The following TRERF1 variants were observed in gnomAD, a reference collection of about 807,000 sequenced individuals.
The protein encoded by TRERF1 is transcriptional-regulating factor 1.
A neutral mutation model predicts 122.9 loss-of-function variants in TRERF1; 27 were observed. The observed-to-expected ratio is 0.22, with a 90% CI of 0.16 to 0.30. The LOEUF (loss-of-function observed/expected upper bound fraction) is 0.30, where lower values mean the gene tolerates loss of function less well. Ranked by LOEUF, TRERF1 falls within the 10% of genes least tolerant of loss-of-function variation. TRERF1 has a pLI of 1.00. For synonymous variants in TRERF1, 636 were observed against 641.7 expected (o/e 0.99, Z 0.13); for missense variants, 1,248 against 1,560.3 (o/e 0.80, Z 3.37).
intron 3 of TRERF1, among the ~76,000 whole-genome samples, chr6:42,314,025 G>A (rs569469419): frequency 1.3e-5 from 2 of 152,118 alleles, no homozygotes; most frequent in African/African-American, 2.4e-5. Flanking sequence ...ACAGGGAACA[G>A]CTGGAGGTGC....
At chr6:42,367,782 T>A (rs1773022836) in intron 2 of TRERF1, among the ~76,000 whole-genome samples, 1 of 152,076 alleles carries the variant, frequency 6.6e-6, no homozygotes, top group African/African-American at 2.4e-5. Context: ...GCCTGGTGAC[T>A]GAGGTGTATA....
At chr6:42,250,389 A>G (rs375026519) in intron 13 of TRERF1, among the ~76,000 whole-genome samples, 3 of 152,000 alleles carry the variant, frequency 2.0e-5, no homozygotes, top group African/African-American at 7.3e-5. Context: ...CTGCCTCCAA[A>G]ATCCCTCTGT....
Position 42,276,936 on chromosome 6 carries a change from G to A in TRERF1, c.-258-7088C>T, listed in dbSNP as rs902094740. On this transcript the variant is annotated intron_variant, in intron 4 of 17. Coordinates refer to ENST00000372922, the Ensembl canonical transcript of TRERF1. The surrounding 1 kb of genome is among the most constrained non-coding windows in gnomAD (Gnocchi z 4.3). ...CAGGAACCTGCAAAATGGAGGGTTT[G>A]GATTTTGCTTCCTGCAGGTGGCTCC... Among the ~76,000 whole-genome samples the A allele has an allele frequency of 1.3e-5, 2 of 152,160 alleles. No individual in the cohort carries two copies. Among genetic ancestry groups the A allele is most frequent in the South Asian group, 4.1e-4 (2 of 4,824 alleles).
intron 2 of TRERF1, among the ~76,000 whole-genome samples, chr6:42,447,086 C>A (rs72859314): frequency 0.048 from 7,367 of 152,164 alleles, 406 homozygotes; most frequent in African/African-American, 0.13. Context: ...GTTCTTTGTC[C>A]CCTTCCTGCT....
At chr6:42,417,937 A>G (rs1291638359) in intron 2 of TRERF1, among the ~76,000 whole-genome samples, 1 of 152,188 alleles carries the variant, frequency 6.6e-6, no homozygotes, top group Non-Finnish European at 1.5e-5. Context: ...ACACACATAC[A>G]ATTCCAGGCT....
chr6:42,265,857 GAGAAGTC>G (rs1460227943), intron 5 of TRERF1, 60 bp from the exon 6 acceptor site: 3 of 1,573,402 alleles, frequency 1.9e-6, no homozygotes, highest in Non-Finnish European at 2.6e-6. Flanking sequence ...GTTCTGAAGG[GAGAAGTC>G]CTCGAGCAGT....
At chr6:42,414,143 G>T (rs1781503342) in intron 2 of TRERF1, among the ~76,000 whole-genome samples, 1 of 152,178 alleles carries the variant, frequency 6.6e-6, no homozygotes, top group East Asian at 1.9e-4. Context: ...AAAGCAAAAG[G>T]AGAGACACAA....
At chr6:42,280,282 T>C (rs1782071550) in intron 4 of TRERF1, among the ~76,000 whole-genome samples, 1 of 152,204 alleles carries the variant, frequency 6.6e-6, no homozygotes, top group East Asian at 1.9e-4. Context: ...CAACTAGGGC[T>C]GGAGGCCTTC....
intron 8 of TRERF1, among the ~76,000 whole-genome samples, chr6:42,261,876 C>G (rs565099981): frequency 1.3e-5 from 2 of 152,290 alleles, no homozygotes; most frequent in African/African-American, 4.8e-5. Context: ...TCCCTTGCCC[C>G]TCCCCAGTCC....
At chr6:42,363,114 T>A (rs1047776578) in intron 2 of TRERF1, 35 bp from the exon 3 acceptor site, 2 of 152,622 alleles carry the variant, frequency 1.3e-5, no homozygotes, top group Non-Finnish European at 2.9e-5. Flanking sequence ...AGTCAGGACA[T>A]CTGGCTTCAG....
intron 3 of TRERF1, among the ~76,000 whole-genome samples, chr6:42,306,400 G>A (rs189352327): frequency 2.6e-5 from 4 of 152,312 alleles, no homozygotes; most frequent in African/African-American, 7.2e-5. Context: ...CCCAGACCAT[G>A]ATGGGATATA....
At chr6:42,417,670 C>T (rs1782035065) in intron 2 of TRERF1, among the ~76,000 whole-genome samples, 1 of 152,202 alleles carries the variant, frequency 6.6e-6, no homozygotes, top group Admixed American at 6.5e-5. Context: ...CTGGCCAGAG[C>T]AGGGGCCAGA....
At chr6:42,404,059 C>G (rs1423586215) in intron 2 of TRERF1, among the ~76,000 whole-genome samples, 1 of 152,112 alleles carries the variant, frequency 6.6e-6, no homozygotes, top group Admixed American at 6.5e-5. Context: ...CCCACCCCAC[C>G]TGCAAGAGGG....
In TRERF1 at chr6:42,278,970, C is replaced by T. The variant is rs79550066; in HGVS notation, c.-258-9122G>A. 9.2e-4 allele frequency among the ~76,000 whole-genome samples: 140 copies of T among 152,256 alleles called. 4 individuals are homozygous for T. In the East Asian group the frequency reaches 0.02, roughly 21 times the overall value. On this transcript the variant is annotated intron_variant, in intron 4 of 17. Transcript: ENST00000372922. ...TCCTTTACAGTCTTTTATACCAACT[C>T]GCACTGAGGACCTTCTATGCCAGGG...
At chr6:42,271,800 T>A (rs1361887651) in intron 4 of TRERF1, among the ~76,000 whole-genome samples, 14 of 152,184 alleles carry the variant, frequency 9.2e-5, no homozygotes. Flanking sequence ...ATTAAAAAAG[T>A]TTCAACTTTA....
At chr6:42,386,127 G>A (rs1292031528) in intron 2 of TRERF1, among the ~76,000 whole-genome samples, 2 of 152,184 alleles carry the variant, frequency 1.3e-5, no homozygotes, top group Non-Finnish European at 2.9e-5. Context: ...AGGCCGAGGT[G>A]GGCGAATCAC....
intron 2 of TRERF1, among the ~76,000 whole-genome samples, chr6:42,423,216 TC>T (rs1178788412): frequency 6.6e-6 from 1 of 152,212 alleles, no homozygotes; most frequent in African/African-American, 2.4e-5. Flanking sequence ...TTCCAGCCCA[TC>T]CGTAACTCTA....
intron 13 of TRERF1, among the ~76,000 whole-genome samples, chr6:42,251,533 T>G (rs948317290): frequency 6.6e-6 from 1 of 152,154 alleles, no homozygotes; most frequent in Non-Finnish European, 1.5e-5. Flanking sequence ...GCAATTTTTT[T>G]TTTTTTAATT....
At chr6:42,273,038 T>C (rs925185872) in intron 4 of TRERF1, among the ~76,000 whole-genome samples, 4 of 152,118 alleles carry the variant, frequency 2.6e-5, no homozygotes, top group African/African-American at 7.2e-5. Flanking sequence ...CCCTCACCAT[T>C]TGGAGAGCTC....
Sources: gnomAD v4.1 joint callset for allele counts (sites outside exome capture counted in the v4.1 genomes callset) on GRCh38, gnomAD v4.1.1 for gene constraint, Gnocchi (gnomAD v3.1) non-coding constraint, MANE v1.5 for transcripts, NCBI Gene and HGNC (gene_info 2026-07-23, HGNC 2026-07-21) for gene names.